The following PCNX1 variants were observed in gnomAD, a reference collection of about 807,000 sequenced individuals.
The protein encoded by PCNX1 is pecanex 1.
A neutral mutation model predicts 242.2 loss-of-function variants in PCNX1; 78 were observed. The ratio of observed to expected loss-of-function variants is 0.32; its 90% CI spans 0.27 to 0.39. The LOEUF (loss-of-function observed/expected upper bound fraction) is 0.39, where lower values mean the gene tolerates loss of function less well. Ranked by LOEUF, PCNX1 falls within the 10% of genes least tolerant of loss-of-function variation. PCNX1 has a pLI of 1.00. For missense variants in PCNX1, 2,581 were observed against 2,856.5 expected, an observed-to-expected ratio of 0.90 and a Z score of 2.20; for synonymous variants, 1,024 against 1,032.9, an observed-to-expected ratio of 0.99 and a Z score of 0.17.
chr14:71,072,953 A>AT (rs1276871599), intron 26 of PCNX1, among the ~76,000 whole-genome samples: 1 of 152,240 alleles, frequency 6.6e-6, no homozygotes, highest in East Asian at 1.9e-4. Context: ...TTGTAAACCC[A>AT]TTTGAAACAT....
At chr14:70,948,714 CATA>C (rs2057572747) in intron 2 of PCNX1, among the ~76,000 whole-genome samples, 1 of 145,120 alleles carries the variant, frequency 6.9e-6, no homozygotes. Flanking sequence ...CACACATACA[CATA>C]AGTGTATATA....
At chr14:70,931,831 G>A (rs1594928821) in intron 1 of PCNX1, among the ~76,000 whole-genome samples, 1 of 152,234 alleles carries the variant, frequency 6.6e-6, no homozygotes, top group East Asian at 1.9e-4. Context: ...AGGGATTTAA[G>A]AATGATCTAG....
intron 3 of PCNX1, 25 bp from the exon 4 acceptor site, chr14:70,968,173 T>C (rs1288242476): frequency 6.3e-7 from 1 of 1,588,348 alleles, no homozygotes. Context: ...TAATTAGTTT[T>C]ATTTACTTCA....
intron 11 of PCNX1, among the ~76,000 whole-genome samples, chr14:71,014,701 G>C (rs908731068): frequency 1.3e-5 from 2 of 152,052 alleles, no homozygotes; most frequent in African/African-American, 4.8e-5. Flanking sequence ...AGAGTCCACT[G>C]TCCCCAGTGA....
chr14:71,071,863 T>A (rs1458696230), intron 26 of PCNX1, among the ~76,000 whole-genome samples: 1 of 152,162 alleles, frequency 6.6e-6, no homozygotes, highest in Non-Finnish European at 1.5e-5. Flanking sequence ...GCCATTGTAG[T>A]GTTATAAATT....
chr14:70,995,906 C>G lies in PCNX1; in HGVS notation c.2610C>G (p.Ser870Arg), dbSNP rs2059336008. Residue 870 changes from serine to arginine, a missense_variant, in exon 8 of 36, where the codon AGC becomes AGG. Around this residue, in one of 9 missense-constraint regions of PCNX1, gnomAD observed 1,204 missense variants for 1,216.7 expected, o/e 0.99. Transcript: ENST00000304743. ...SHDNASAVGG[S>R]SLHDELGKFS... ...ACAATGCATCTGCTGTAGGCGGTAGCAGTTTGCACGATGAACTTGGTATGC... is the reference window on the plus strand; with the variant it reads ...ACAATGCATCTGCTGTAGGCGGTAGGAGTTTGCACGATGAACTTGGTATGC... 6.2e-7 allele frequency: 1 copy of G among 1,613,712 alleles called. No homozygotes were observed. The highest frequency in any genetic ancestry group is 2.2e-5 in the East Asian group (1 of 44,894).
intron 8 of PCNX1, among the ~76,000 whole-genome samples, chr14:71,006,243 TC>T (rs950760739): frequency 2.0e-5 from 3 of 151,436 alleles, no homozygotes; most frequent in Admixed American, 6.6e-5. Flanking sequence ...CCACTTTGCC[TC>T]CCAAAATGCT....
chr14:70,927,525 A>C (rs371040985), intron 1 of PCNX1, among the ~76,000 whole-genome samples: 1 of 152,050 alleles, frequency 6.6e-6, no homozygotes, highest in Admixed American at 6.6e-5. Flanking sequence ...ATGAGAGCTA[A>C]TATACTTTTT....
rs774050416 is a variant in PCNX1 at position 70,978,615 on chromosome 14, C to G, written c.2278C>G (p.Pro760Ala). The G allele has an allele frequency of 1.8e-5, 29 of 1,613,336 alleles. No individual in the cohort carries two copies. Among genetic ancestry groups the G allele is most frequent in the Non-Finnish European group, 2.5e-5 (29 of 1,179,710 alleles). The change falls in exon 6 of 36, where the codon CCT (proline) becomes GCT (alanine). Residue 760 changes from proline (P) to alanine (A), a missense_variant. Physicochemically the swap from Pro to Ala is conservative, Grantham distance 27. Around this residue, in one of 9 missense-constraint regions of PCNX1, gnomAD observed 1,204 missense variants for 1,216.7 expected, o/e 0.99. Transcript: ENST00000304743. Reference sequence around the variant, plus strand: ...TAGCTTGCCAAACCAGGTTGCATTTCCTGAAGGGGAAGAGCAAGATGCAGT... The same window carrying G: ...TAGCTTGCCAAACCAGGTTGCATTTGCTGAAGGGGAAGAGCAAGATGCAGT... The part of the protein sequence containing the change: ...RNSLPNQVAF[P>A]EGEEQDAVSG...
At chr14:70,964,449 G>A (rs1244107672) in intron 3 of PCNX1, among the ~76,000 whole-genome samples, 1 of 151,788 alleles carries the variant, frequency 6.6e-6, no homozygotes, top group Non-Finnish European at 1.5e-5. Flanking sequence ...TTTTTTGTTG[G>A]CCTTGTGTTT....
chr14:71,089,339 T>A lies in PCNX1; in HGVS notation c.5586T>A (p.His1862Gln), dbSNP rs755596776. ...VPGIRMSIKL[H>Q]QDHFTSPDEY... is the part of the protein sequence containing the mutation. ...GGATCCGTATGTCCATTAAACTTCA[T>A]CAGGTAAGAAGATGAGATTTTTCTA... Residue 1862 changes from histidine to glutamine, a missense_variant, in exon 30 of 36, where the codon CAT becomes CAA. Coordinates refer to ENST00000304743, the MANE Select transcript of PCNX1 (RefSeq NM_014982.3). 30 of 1,609,392 alleles carry A rather than the reference T, an allele frequency of 1.9e-5. No individual in the cohort carries two copies. The highest frequency in any genetic ancestry group is 2.3e-5 in the Non-Finnish European group (27 of 1,177,064).
intron 1 of PCNX1, among the ~76,000 whole-genome samples, chr14:70,911,839 C>T (rs1434378035): frequency 6.6e-6 from 1 of 152,100 alleles, no homozygotes; most frequent in African/African-American, 2.4e-5. Context: ...TGCTGTATGA[C>T]TGTAGGAGAC....
At chr14:70,949,316 TAC>T (rs558134121) in intron 2 of PCNX1, among the ~76,000 whole-genome samples, 9 of 131,684 alleles carry the variant, frequency 6.8e-5, no homozygotes, top group South Asian at 2.2e-4. Context: ...TGTGTGTAGA[TAC>T]ACACGTGTAT....
intron 30 of PCNX1, among the ~76,000 whole-genome samples, chr14:71,089,704 C>A (rs1282425771): frequency 2.0e-5 from 3 of 152,144 alleles, no homozygotes; most frequent in Non-Finnish European, 4.4e-5. Context: ...CCCACCAGTT[C>A]CCTTCCAGGA....
intron 24 of PCNX1, among the ~76,000 whole-genome samples, 159 bp from the exon 25 acceptor site, chr14:71,055,345 A>G (rs1327602796): frequency 6.6e-6 from 1 of 152,130 alleles, no homozygotes; most frequent in Non-Finnish European, 1.5e-5. Context: ...AAAGTGTGCT[A>G]AGGCATTTTA....
intron 29 of PCNX1, 69 bp from the exon 30 acceptor site, chr14:71,089,123 A>G: frequency 8.7e-7 from 1 of 1,147,144 alleles, no homozygotes. Flanking sequence ...ATGCACACGC[A>G]GATGTAAGAA....
intron 32 of PCNX1, 131 bp downstream of exon 32, chr14:71,103,800 G>A: frequency 1.4e-6 from 1 of 692,158 alleles, no homozygotes; most frequent in Non-Finnish European, 2.4e-6. Flanking sequence ...CATTATTTCT[G>A]AACTTCAAGA....
At chr14:70,992,395 C>G (rs1479130104) in intron 7 of PCNX1, among the ~76,000 whole-genome samples, 3 of 152,092 alleles carry the variant, frequency 2.0e-5, no homozygotes, top group Non-Finnish European at 4.4e-5. Flanking sequence ...ATAGGGGTCC[C>G]TTTGTGGTGC....
At chr14:71,005,921 C>CTTTT (rs372502839) in intron 8 of PCNX1, among the ~76,000 whole-genome samples, 1 of 134,898 alleles carries the variant, frequency 7.4e-6, no homozygotes, top group Admixed American at 7.5e-5. Flanking sequence ...GGTATCTTAA[C>CTTTT]TTTTTTTTTT....
Sources: allele counts gnomAD v4.1 joint callset (sites outside exome capture counted in the v4.1 genomes callset), GRCh38; gene constraint gnomAD v4.1.1; regional missense constraint gnomAD v4.1.1; transcripts MANE v1.5; gene names NCBI Gene and HGNC (gene_info 2026-07-23, HGNC 2026-07-21).